ERBB4: variants seen among roughly 807,000 people sequenced by gnomAD.
ERBB4 encodes receptor tyrosine-protein kinase erbB-4.
In ERBB4, 42 loss-of-function variants were observed where a neutral mutation model predicts 158.0. The ratio of observed to expected loss-of-function variants is 0.27; its 90% CI spans 0.21 to 0.34. ERBB4 has a LOEUF of 0.34. ERBB4 is among the 10% of genes least tolerant of loss of function. ERBB4 has a pLI of 1.00. For synonymous variants in ERBB4, 583 were observed against 558.7 expected (o/e 1.04, Z -0.61); for missense variants, 1,333 against 1,624.1 (o/e 0.82, Z 3.08).
chr2:212,322,837 T>A (rs1463394534), intron 1 of ERBB4, among the ~76,000 whole-genome samples: 1 of 150,354 alleles, frequency 6.7e-6, no homozygotes, highest in African/African-American at 2.4e-5. Flanking sequence ...GTACAAACAT[T>A]TGGACATGTA....
intron 5 of ERBB4, among the ~76,000 whole-genome samples, chr2:211,743,643 G>A (rs555713807): frequency 2.7e-4 from 41 of 152,134 alleles, no homozygotes; most frequent in Non-Finnish European, 5.4e-4. Context: ...TATGAATAGA[G>A]AGAGTTGTCA....
At chr2:212,464,925 CA>C (rs869286370) in intron 1 of ERBB4, among the ~76,000 whole-genome samples, 7 of 150,492 alleles carry the variant, frequency 4.7e-5, no homozygotes, top group African/African-American at 9.8e-5. Flanking sequence ...CACACACACA[CA>C]CCCCTTAGAA....
At chr2:211,416,062 A>G (rs2063382238) in intron 25 of ERBB4, among the ~76,000 whole-genome samples, 1 of 152,130 alleles carries the variant, frequency 6.6e-6, no homozygotes, top group Admixed American at 6.6e-5. Flanking sequence ...ATATGTTTTG[A>G]CAGAGGAGCA....
At chr2:211,700,610 G>A (rs1025775133) in intron 12 of ERBB4, among the ~76,000 whole-genome samples, 1 of 152,140 alleles carries the variant, frequency 6.6e-6, no homozygotes, top group Non-Finnish European at 1.5e-5. Context: ...ACAAGATGGG[G>A]TCTTAATAAA....
At chr2:211,391,522 A>G (rs1185457898) in intron 25 of ERBB4, among the ~76,000 whole-genome samples, 1 of 151,950 alleles carries the variant, frequency 6.6e-6, no homozygotes, top group Non-Finnish European at 1.5e-5. Flanking sequence ...GGTGATACTG[A>G]GTTTGTTCCT....
At chr2:211,843,717 T>C (rs1046339340) in intron 3 of ERBB4, among the ~76,000 whole-genome samples, 4 of 145,142 alleles carry the variant, frequency 2.8e-5, no homozygotes, top group African/African-American at 1.0e-4. Flanking sequence ...AATATTTTAA[T>C]GAGCTTTCAT....
chr2:212,086,624 T>C (rs2078621879), intron 2 of ERBB4, among the ~76,000 whole-genome samples: 1 of 151,980 alleles, frequency 6.6e-6, no homozygotes, highest in East Asian at 1.9e-4. Flanking sequence ...GTGGCTGATA[T>C]GGAACCAAAA....
At chr2:211,574,329 A>T (rs1223957170) in intron 19 of ERBB4, among the ~76,000 whole-genome samples, 1 of 152,176 alleles carries the variant, frequency 6.6e-6, no homozygotes, top group Non-Finnish European at 1.5e-5. Flanking sequence ...AACCATGAAG[A>T]GTTAAAAGAT....
intron 1 of ERBB4, among the ~76,000 whole-genome samples, chr2:212,264,546 A>G (rs1017573148): frequency 3.9e-5 from 6 of 152,116 alleles, no homozygotes; most frequent in Admixed American, 6.6e-5. Context: ...CAGTTTTTAC[A>G]GAGGTCCTGG....
At chr2:212,275,688 G>A (rs1370014154) in intron 1 of ERBB4, among the ~76,000 whole-genome samples, 5 of 151,674 alleles carry the variant, frequency 3.3e-5, no homozygotes, top group Non-Finnish European at 7.4e-5. Flanking sequence ...CACTAAATAT[G>A]GAAAGGAAAA....
chr2:212,213,746 G>A (rs1320641979), intron 1 of ERBB4, among the ~76,000 whole-genome samples: 1 of 151,752 alleles, frequency 6.6e-6, no homozygotes, highest in Non-Finnish European at 1.5e-5. Flanking sequence ...TAATCACCAG[G>A]CCCCAACTTG....
In ERBB4 at chr2:211,821,002, C is replaced by T. The variant is rs576165599; in HGVS notation, c.422-32843G>A. ...AGAACTCAAATAAAACAAGGATGCC[C>T]AATATCACCACTCATATTCAACACA... On this transcript the variant is annotated intron_variant, in intron 3 of 27. Transcript: ENST00000342788. Among the ~76,000 whole-genome samples, 5 of 151,886 alleles carry T rather than the reference C, an allele frequency of 3.3e-5. No individual in the cohort carries two copies. In the South Asian group the frequency reaches 1.0e-3, roughly 32 times the overall value.
At chr2:211,408,002 A>ATC (rs1457697326) in intron 25 of ERBB4, among the ~76,000 whole-genome samples, 3 of 152,104 alleles carry the variant, frequency 2.0e-5, no homozygotes, top group Non-Finnish European at 4.4e-5. Flanking sequence ...AAAATAGAGC[A>ATC]TCTCTCTCTC....
intron 19 of ERBB4, among the ~76,000 whole-genome samples, chr2:211,564,790 A>G (rs1188788294): frequency 2.0e-5 from 3 of 152,242 alleles, no homozygotes; most frequent in Non-Finnish European, 2.9e-5. Context: ...GCTATACAAC[A>G]AACGGAAATA....
intron 2 of ERBB4, among the ~76,000 whole-genome samples, chr2:212,061,086 A>G (rs958729113): frequency 1.3e-5 from 2 of 152,018 alleles, no homozygotes; most frequent in African/African-American, 4.8e-5. Flanking sequence ...GTAGGAGTGA[A>G]AAGAGAAGTC....
At chr2:211,606,791 A>G (rs900140691) in intron 19 of ERBB4, among the ~76,000 whole-genome samples, 1 of 152,220 alleles carries the variant, frequency 6.6e-6, no homozygotes, top group African/African-American at 2.4e-5. Context: ...AGAGTATAGT[A>G]GCACATTCAT....
chr2:212,509,314 G>C (rs1691372726), intron 1 of ERBB4, among the ~76,000 whole-genome samples: 1 of 151,960 alleles, frequency 6.6e-6, no homozygotes, highest in African/African-American at 2.4e-5. Context: ...TTCCCATTAT[G>C]ACTCTTGTGT....
Position 211,420,496 on chromosome 2 carries a change from G to A in ERBB4, c.3080C>T (p.Ala1027Val), listed in dbSNP as rs1169528920. The stretch of plus-strand genomic sequence containing the variant: ...ATAGATGGGAGGTGGGATGTTGAAA[G>A]CCTGAGGGACCAAGTACTCCTCAGC... ...MDAEEYLVPQ[A>V]FNIPPPIYTS... The change falls in exon 25 of 28, where the codon GCT becomes GTT. Residue 1027 changes from alanine (A) to valine (V), a missense_variant. Ala to Val is a moderately conservative substitution (Grantham distance 64). This residue lies in a region of ERBB4 where 252 missense variants were observed against 241.3 expected (regional missense o/e 1.04). Coordinates refer to ENST00000342788, the MANE Select transcript of ERBB4 (RefSeq NM_005235.3). 6.2e-7 allele frequency: 1 copy of A among 1,612,632 alleles called. No homozygotes were observed. Among genetic ancestry groups the A allele is most frequent in the South Asian group, 1.1e-5 (1 of 91,036 alleles).
At chr2:212,098,156 A>G (rs1157096639) in intron 2 of ERBB4, among the ~76,000 whole-genome samples, 1 of 152,206 alleles carries the variant, frequency 6.6e-6, no homozygotes, top group African/African-American at 2.4e-5. Context: ...CTCGGAACCG[A>G]TGAAGCTTAA....
Sources: gnomAD v4.1 joint callset for allele counts (sites outside exome capture counted in the v4.1 genomes callset) on GRCh38, gnomAD v4.1.1 for gene constraint, gnomAD v4.1.1 regional missense constraint, MANE v1.5 for transcripts, NCBI Gene and HGNC (gene_info 2026-07-23, HGNC 2026-07-21) for gene names.